RNF150: variants seen among roughly 807,000 people sequenced by gnomAD.
RNF150 encodes ring finger protein 150.
Under a neutral mutation model 39.3 loss-of-function variants are expected in RNF150, and 24 were observed. The ratio of observed to expected loss-of-function variants is 0.61; its 90% CI spans 0.44 to 0.86. The LOEUF is 0.86. Among genes scored for constraint, RNF150 ranks in the 40% least tolerant of loss-of-function variants. RNF150 has a pLI of 0.00. For synonymous variants in RNF150, 255 were observed against 227.3 expected (o/e 1.12, Z -1.10); for missense variants, 502 against 587.8 (o/e 0.85, Z 1.51).
chr4:140,967,647 A>G lies in RNF150; in HGVS notation c.711T>C (p.Tyr237=). The part of the protein sequence containing the change: ...LVFYYIQRFR[Y]ANARDRNQRR... ...CCTGGTTCCTATCCCTGGCATTTGCATATCGAAACCTCTGGATGTAATAAA... is the reference window on the plus strand; with the variant it reads ...CCTGGTTCCTATCCCTGGCATTTGCGTATCGAAACCTCTGGATGTAATAAA... The change falls in exon 2 of 7, where the codon TAT becomes TAC. Residue 237 remains tyrosine, a synonymous_variant. Transcript: ENST00000515673. 1 of 1,609,802 alleles carries G rather than the reference A, an allele frequency of 6.2e-7. No individual in the cohort carries two copies.
rs977992890 is a variant in RNF150, at chr4:140,924,508, T to C, written c.987+1469A>G. 1.3e-5 allele frequency among the ~76,000 whole-genome samples: 2 copies of C among 152,220 alleles called. 1 individual carries two copies. Among genetic ancestry groups the C allele is most frequent in the Admixed American group, 1.3e-4 (2 of 15,298 alleles). ...AAATACCCTGAACAATAGGAACACA[T>C]CAAAGGATGCAACTGTCTCTGTCTC... On this transcript the variant is annotated intron_variant, in intron 5 of 6. Transcript: ENST00000515673.
At chr4:140,929,837 C>T (rs566348562) in intron 4 of RNF150, among the ~76,000 whole-genome samples, 90 of 152,176 alleles carry the variant, frequency 5.9e-4, no homozygotes, top group African/African-American at 2.1e-3. Context: ...CTTATGCAAT[C>T]ATTTGAACGA....
At chr4:140,912,272 A>T (rs1300056001) in intron 5 of RNF150, among the ~76,000 whole-genome samples, 1 of 152,220 alleles carries the variant, frequency 6.6e-6, no homozygotes, top group Non-Finnish European at 1.5e-5. Context: ...AATTACTTTC[A>T]GTTGTTCTGT....
intron 1 of RNF150, among the ~76,000 whole-genome samples, chr4:141,078,988 T>A (rs1738047144): frequency 1.3e-5 from 2 of 151,814 alleles, no homozygotes; most frequent in African/African-American, 2.4e-5. Context: ...TTTTTCCACT[T>A]TAAATGCAAA....
At chr4:140,999,580 G>A (rs746805398) in intron 1 of RNF150, among the ~76,000 whole-genome samples, 5 of 152,138 alleles carry the variant, frequency 3.3e-5, no homozygotes, top group African/African-American at 1.2e-4. Flanking sequence ...TCAAAAGAAA[G>A]TATGACCCAG....
At position 141,132,885 on chromosome 4, in the gene RNF150, C is replaced by T. The variant is rs1726943128; in HGVS notation, c.-77G>A. Reference sequence around the variant, plus strand: ...CCCTCCTCCCCAGCCCCGGCCAACCCCGGGCCGCTGCCTCTCCTCCTGCTG... The same window carrying T: ...CCCTCCTCCCCAGCCCCGGCCAACCTCGGGCCGCTGCCTCTCCTCCTGCTG... On this transcript the variant is annotated 5_prime_UTR_variant, in exon 1 of 7. Coordinates refer to ENST00000515673, the MANE Select transcript of RNF150 (RefSeq NM_020724.2). This position sits in a 1 kb window ranked among gnomAD's most constrained non-coding sequence, Gnocchi z 4.9. 2 of 1,271,692 alleles carry T rather than the reference C, an allele frequency of 1.6e-6. No homozygotes were observed. The highest frequency in any genetic ancestry group is 2.6e-5 in the East Asian group (1 of 38,872). 78.8% of individuals were successfully genotyped at this position (1,271,692 alleles called of 1,614,324 possible). A position where few individuals can be genotyped will look rare whatever the true frequency, so the allele number is the denominator to read the frequency against.
intron 1 of RNF150, among the ~76,000 whole-genome samples, chr4:141,149,860 A>G (rs1416219618): frequency 6.6e-6 from 1 of 152,206 alleles, no homozygotes; most frequent in Non-Finnish European, 1.5e-5. Flanking sequence ...CAACATTGTA[A>G]AAGTGTTCCT....
At chr4:141,057,795 A>G (rs1364359631) in intron 1 of RNF150, among the ~76,000 whole-genome samples, 1 of 151,964 alleles carries the variant, frequency 6.6e-6, no homozygotes, top group Non-Finnish European at 1.5e-5. Context: ...CCAACACCCT[A>G]CTGTTGACAC....
chr4:140,870,525 C>A (rs1197469255), intron 6 of RNF150, among the ~76,000 whole-genome samples: 1 of 151,920 alleles, frequency 6.6e-6, no homozygotes, highest in African/African-American at 2.4e-5. Context: ...CACCTGGTGC[C>A]TTTGATCCCT....
At chr4:140,936,688 C>T (rs1560976345) in intron 4 of RNF150, among the ~76,000 whole-genome samples, 1 of 151,930 alleles carries the variant, frequency 6.6e-6, no homozygotes, top group Admixed American at 6.6e-5. Flanking sequence ...TAAAAAGATT[C>T]ACCAAAAACA....
chr4:141,069,112 G>T (rs1401281541), intron 1 of RNF150, among the ~76,000 whole-genome samples: 2 of 134,546 alleles, frequency 1.5e-5, no homozygotes, highest in African/African-American at 5.6e-5. Flanking sequence ...TAGGAGTGGT[G>T]AGAGAGGGCA....
chr4:141,017,014 C>A (rs1235750170), intron 1 of RNF150, among the ~76,000 whole-genome samples: 1 of 152,134 alleles, frequency 6.6e-6, no homozygotes, highest in Non-Finnish European at 1.5e-5. Flanking sequence ...TTAGTCGATC[C>A]CTTTACTCCA....
chr4:141,007,950 G>C (rs1734934334), intron 1 of RNF150, among the ~76,000 whole-genome samples: 1 of 152,166 alleles, frequency 6.6e-6, no homozygotes, highest in Non-Finnish European at 1.5e-5. Flanking sequence ...AAGTCTCTGT[G>C]TTAAGTGGAC....
Position 140,917,647 on chromosome 4 carries a change from C to A in RNF150, c.988-6293G>T, listed in dbSNP as rs180850781. ...ACAGATCAACGAGACAGAAAGTTAA[C>A]AAGGATACCCAAGAATTGAACTCAG... On this transcript the variant is annotated intron_variant, in intron 5 of 6. Coordinates refer to ENST00000515673, the MANE Select transcript of RNF150 (RefSeq NM_020724.2). Among the ~76,000 whole-genome samples, 309 of 152,284 alleles carry A rather than the reference C, an allele frequency of 2.0e-3. 1 individual carries two copies. The highest frequency in any genetic ancestry group is 6.8e-3 in the African/African-American group (282 of 41,558).
rs998688943 is a variant in RNF150 at position 140,866,779 on chromosome 4, TAG to T, written c.*1480_*1481del. On this transcript the variant is annotated 3_prime_UTR_variant, in exon 7 of 7. Transcript: ENST00000515673. Reference sequence around the variant, plus strand: ...CGCAGCCTGGTGTTTGCCAGCTGTGTAGAGATAAGGTGATCCGTCTGATTGTT... The same window carrying T: ...CGCAGCCTGGTGTTTGCCAGCTGTGTAGATAAGGTGATCCGTCTGATTGTT... 2 of 152,344 alleles carry T rather than the reference TAG, an allele frequency of 1.3e-5. No homozygotes were observed. Among genetic ancestry groups the T allele is most frequent in the African/African-American group, 4.8e-5 (2 of 41,590 alleles). The allele number at this position is 152,344 out of a possible 1,614,324, so 9.4% of individuals were successfully genotyped here.
At chr4:141,096,635 A>G (rs1738795749) in intron 1 of RNF150, among the ~76,000 whole-genome samples, 1 of 152,280 alleles carries the variant, frequency 6.6e-6, no homozygotes, top group Admixed American at 6.5e-5. Context: ...ATGCAATACA[A>G]TTAAAGATAT....
chr4:141,208,452 A>C (rs1728411849), intron 1 of RNF150, among the ~76,000 whole-genome samples: 1 of 152,252 alleles, frequency 6.6e-6, no homozygotes, highest in African/African-American at 2.4e-5. Flanking sequence ...TGAAATTGCA[A>C]AAGAGTTTCA....
intron 4 of RNF150, among the ~76,000 whole-genome samples, chr4:140,929,838 A>AT (rs1007107040): frequency 2.0e-5 from 3 of 152,252 alleles, no homozygotes; most frequent in African/African-American, 7.2e-5. Context: ...TTATGCAATC[A>AT]TTTGAACGAT....
chr4:141,072,640 A>T (rs144878152), intron 1 of RNF150, among the ~76,000 whole-genome samples: 135 of 152,350 alleles, frequency 8.9e-4, no homozygotes, highest in African/African-American at 3.2e-3. Context: ...TACATCTTTA[A>T]AAACTTTTTG....
Sources: gnomAD v4.1 joint callset for allele counts (sites outside exome capture counted in the v4.1 genomes callset) on GRCh38, gnomAD v4.1.1 for gene constraint, Gnocchi (gnomAD v3.1) non-coding constraint, MANE v1.5 for transcripts, NCBI Gene and HGNC (gene_info 2026-07-23, HGNC 2026-07-21) for gene names.